The following FRMPD3 variants were observed in gnomAD, a reference collection of about 807,000 sequenced individuals.
FRMPD3 encodes FERM and PDZ domain containing 3, also known as FERM and PDZ domain-containing protein 3.
FRMPD3 carries 42 observed loss-of-function variants against 97.9 expected under a neutral mutation model. The observed-to-expected ratio is 0.43, with a 90% CI of 0.34 to 0.55. FRMPD3 has a LOEUF of 0.55. Ranked by LOEUF, FRMPD3 falls within the 20% of genes least tolerant of loss-of-function variation. FRMPD3 has a pLI of 0.03. For missense variants in FRMPD3, 1,303 were observed against 1,457.7 expected (o/e 0.89, Z 1.73); for synonymous variants, 577 against 581.1 (o/e 0.99, Z 0.10).
intron 13 of FRMPD3, among the ~76,000 whole-genome samples, chrX:107,586,208 A>G (rs753506125): frequency 9.8e-5 from 11 of 111,849 alleles, no homozygotes; most frequent in African/African-American, 3.6e-4. Context: ...CATTTCTTCT[A>G]GATTTTCTAG....
chrX:107,529,823 G>A (rs1922856645), intron 2 of FRMPD3, among the ~76,000 whole-genome samples: 2 of 111,288 alleles, frequency 1.8e-5, no homozygotes, highest in South Asian at 3.8e-4. Flanking sequence ...TCCTCCTTTC[G>A]CCTGACCACC....
rs774700537 is a variant in FRMPD3, at chrX:107,533,514, G to A, written c.261G>A (p.Lys87=). The A allele has an allele frequency of 8.3e-7, 1 of 1,206,543 alleles. No individual in the cohort carries two copies. Among genetic ancestry groups the A allele is most frequent in the Admixed American group, 2.2e-5 (1 of 45,650 alleles). The stretch of plus-strand genomic sequence containing the variant: ...CCTCTTTTCTCTGTAGGAGCGCTAA[G>A]GAATTCATCGTTCTTACAGTTCTGC... ...ERLIELIRSA[K]EFIVLTVLHT... The change falls in exon 4 of 15, where the codon AAG becomes AAA. Residue 87 remains lysine (K), a synonymous_variant. Transcript: ENST00000683843.
At chrX:107,547,186 G>T (rs1174716431) in intron 5 of FRMPD3, among the ~76,000 whole-genome samples, 1 of 112,029 alleles carries the variant, frequency 8.9e-6, no homozygotes, top group East Asian at 2.8e-4. Flanking sequence ...CAAGTCACCA[G>T]GAGGATATGT....
chrX:107,548,571 T>C (rs1921718477), intron 5 of FRMPD3, among the ~76,000 whole-genome samples: 3 of 112,917 alleles, frequency 2.7e-5, no homozygotes, highest in Admixed American at 1.9e-4. Flanking sequence ...CAAAGATAAA[T>C]AGGACATGGT....
chrX:107,523,287 T>C (rs1715043977), intron 1 of FRMPD3, among the ~76,000 whole-genome samples: 1 of 111,938 alleles, frequency 8.9e-6, no homozygotes, highest in African/African-American at 3.3e-5. Context: ...AAGGGCTGCT[T>C]GCAGAATTGA....
chrX:107,518,637 TG>T (rs1281178527), intron 1 of FRMPD3, among the ~76,000 whole-genome samples: 3 of 112,347 alleles, frequency 2.7e-5, no homozygotes, highest in African/African-American at 9.7e-5. Flanking sequence ...GTATTGCTGG[TG>T]GGAACATAAA....
At chrX:107,502,334 C>A (rs753411839) in intron 1 of FRMPD3, among the ~76,000 whole-genome samples, 1 of 111,336 alleles carries the variant, frequency 9.0e-6, no homozygotes, top group Non-Finnish European at 1.9e-5. Context: ...AAAAGAATAG[C>A]AGCAAGTACC....
intron 13 of FRMPD3, among the ~76,000 whole-genome samples, chrX:107,585,208 T>G (rs1923589812): frequency 9.0e-6 from 1 of 111,273 alleles, no homozygotes; most frequent in Non-Finnish European, 1.9e-5. Context: ...GTAGTGATTG[T>G]GAATGGGAGT....
chrX:107,538,820 G>A (rs992918886), intron 4 of FRMPD3, among the ~76,000 whole-genome samples: 2 of 111,918 alleles, frequency 1.8e-5, no homozygotes, highest in South Asian at 3.7e-4. Context: ...CCACTACACC[G>A]GCTAATTTTT....
At chrX:107,470,344 C>A (rs1254104853) in intron 1 of FRMPD3, among the ~76,000 whole-genome samples, 1 of 112,245 alleles carries the variant, frequency 8.9e-6, no homozygotes, top group Non-Finnish European at 1.9e-5. Flanking sequence ...GAAGACTCAA[C>A]TGGGGCTGAC....
At chrX:107,521,005 A>T (rs1922490623) in intron 1 of FRMPD3, among the ~76,000 whole-genome samples, 1 of 111,942 alleles carries the variant, frequency 8.9e-6, no homozygotes, top group African/African-American at 3.3e-5. Context: ...TTCCTCCCAG[A>T]TGCCAGTGTT....
chrX:107,594,210 G>C (rs776789482), intron 13 of FRMPD3, among the ~76,000 whole-genome samples: 2 of 111,652 alleles, frequency 1.8e-5, no homozygotes, highest in Non-Finnish European at 3.8e-5. Flanking sequence ...CATTGATTTT[G>C]TATCCTGAAA....
At chrX:107,481,925 C>G (rs1290674625) in intron 1 of FRMPD3, among the ~76,000 whole-genome samples, 1 of 111,306 alleles carries the variant, frequency 9.0e-6, no homozygotes, top group Non-Finnish European at 1.9e-5. Context: ...GTTCAATTTC[C>G]TTCCTAATTT....
intron 1 of FRMPD3, among the ~76,000 whole-genome samples, chrX:107,505,268 C>T (rs1188155602): frequency 8.9e-6 from 1 of 112,084 alleles, no homozygotes; most frequent in African/African-American, 3.2e-5. Flanking sequence ...CCTGTTTGAC[C>T]AACAAGAAAA....
chrX:107,532,067 G>C (rs1382241097), intron 3 of FRMPD3, among the ~76,000 whole-genome samples: 2 of 112,548 alleles, frequency 1.8e-5, no homozygotes, highest in Non-Finnish European at 3.7e-5. Context: ...TGGCTCACTG[G>C]AGTTTACATT....
intron 2 of FRMPD3, among the ~76,000 whole-genome samples, chrX:107,528,171 A>G (rs1376555494): frequency 8.9e-6 from 1 of 111,815 alleles, no homozygotes; most frequent in African/African-American, 3.3e-5. Flanking sequence ...TAGCCCTATA[A>G]AAGCCCTATA....
intron 4 of FRMPD3, among the ~76,000 whole-genome samples, chrX:107,534,918 C>A (rs940293223): frequency 8.9e-6 from 1 of 112,363 alleles, no homozygotes; most frequent in African/African-American, 3.2e-5. Context: ...TTCCAGTTCT[C>A]TTGTCTCTGG....
intron 12 of FRMPD3, among the ~76,000 whole-genome samples, chrX:107,567,603 G>T (rs1922662553): frequency 8.9e-6 from 1 of 111,755 alleles, no homozygotes; most frequent in Admixed American, 9.5e-5. Context: ...AGCCATATGT[G>T]CAGGTCGATA....
intron 1 of FRMPD3, among the ~76,000 whole-genome samples, chrX:107,457,728 C>T (rs1445548552): frequency 7.2e-5 from 8 of 111,864 alleles, no homozygotes; most frequent in Admixed American, 5.7e-4. Flanking sequence ...AAGATTATTT[C>T]GACACCTCAG....
Sources: allele counts gnomAD v4.1 joint callset (sites outside exome capture counted in the v4.1 genomes callset), GRCh38; gene constraint gnomAD v4.1.1; transcripts MANE v1.5; gene names NCBI Gene and HGNC (gene_info 2026-07-23, HGNC 2026-07-21).